The following FGGY variants were observed in gnomAD, a reference collection of about 807,000 sequenced individuals.
FGGY encodes FGGY carbohydrate kinase domain-containing protein.
In FGGY, 72 loss-of-function variants were observed where a neutral mutation model predicts 71.3. The observed-to-expected ratio is 1.01, with a 90% CI of 0.84 to 1.23. FGGY has a LOEUF of 1.23. Among genes scored for constraint, FGGY ranks in the 50% most tolerant of loss-of-function variants. The pLI is 0.00. For synonymous variants in FGGY, 251 were observed against 250.3 expected (o/e 1.00, Z -0.02); for missense variants, 668 against 682.3 (o/e 0.98, Z 0.23).
intron 14 of FGGY, among the ~76,000 whole-genome samples, chr1:59,700,669 C>G (rs2097702284): frequency 6.6e-6 from 1 of 152,152 alleles, no homozygotes. Flanking sequence ...TCTAGCAACA[C>G]CTGCCCTCAT....
chr1:59,740,537 A>G (rs558914314), intron 14 of FGGY, among the ~76,000 whole-genome samples: 2 of 152,372 alleles, frequency 1.3e-5, no homozygotes, highest in South Asian at 2.1e-4. Flanking sequence ...ACTGGCCAAG[A>G]TGGAAGTATT....
At chr1:59,533,802 A>T (rs1285418389) in intron 7 of FGGY, among the ~76,000 whole-genome samples, 1 of 152,206 alleles carries the variant, frequency 6.6e-6, no homozygotes, top group Non-Finnish European at 1.5e-5. Context: ...AACAAACAGA[A>T]AGGACATCCA....
intron 14 of FGGY, among the ~76,000 whole-genome samples, chr1:59,751,763 T>C (rs980500765): frequency 6.6e-6 from 1 of 152,228 alleles, no homozygotes; most frequent in African/African-American, 2.4e-5. Flanking sequence ...GAGGAGCTAG[T>C]ACTGAGTAAA....
Position 59,659,906 on chromosome 1 carries a change from A to C in FGGY, c.1222-313A>C, listed in dbSNP as rs576328590. ...AAGCCACAGAAAATAGGTATTTGTA[A>C]GAAAAGAAAATGTTTTAAAATAAAA... On this transcript the variant is annotated intron_variant, in intron 11 of 15. Transcript: ENST00000303721. Among the ~76,000 whole-genome samples the C allele has an allele frequency of 4.7e-4, 71 of 152,354 alleles. No individual in the cohort carries two copies. The South Asian group carries it at 0.014, about 30-fold the overall frequency.
chr1:59,582,536 T>C (rs2096213077), intron 8 of FGGY, among the ~76,000 whole-genome samples: 1 of 149,806 alleles, frequency 6.7e-6, no homozygotes, highest in African/African-American at 2.5e-5. Context: ...CTCTGCTTCC[T>C]GTCCCTCTGC....
intron 6 of FGGY, among the ~76,000 whole-genome samples, chr1:59,465,203 C>A (rs1434510578): frequency 1.3e-5 from 2 of 152,150 alleles, no homozygotes; most frequent in Non-Finnish European, 2.9e-5. Context: ...TAAGGCGGTT[C>A]CACATATGCA....
chr1:59,366,554 G>A (rs975133964), intron 4 of FGGY, among the ~76,000 whole-genome samples: 1 of 152,088 alleles, frequency 6.6e-6, no homozygotes, highest in African/African-American at 2.4e-5. Context: ...ATGTTATGAG[G>A]CTGACTCATC....
intron 4 of FGGY, among the ~76,000 whole-genome samples, chr1:59,349,028 T>C (rs1161324638): frequency 6.6e-6 from 1 of 152,076 alleles, no homozygotes; most frequent in African/African-American, 2.4e-5. Flanking sequence ...AATATAGAAC[T>C]GTTCTGCGCT....
intron 12 of FGGY, among the ~76,000 whole-genome samples, chr1:59,661,693 G>GTTTTGTTTTTGT (rs370165720): frequency 1.4e-3 from 203 of 148,110 alleles, no homozygotes; most frequent in South Asian, 3.6e-3. Context: ...TTAAGAGGGT[G>GTTTTGTTTTTGT]TTTTGTTTTT....
At chr1:59,370,053 A>G (rs1215229050) in intron 4 of FGGY, among the ~76,000 whole-genome samples, 4 of 152,246 alleles carry the variant, frequency 2.6e-5, no homozygotes, top group African/African-American at 9.6e-5. Context: ...AATGGAACAA[A>G]GCTGGATGGA....
chr1:59,410,811 G>T (rs1400796052), intron 5 of FGGY, among the ~76,000 whole-genome samples: 1 of 152,002 alleles, frequency 6.6e-6, no homozygotes, highest in Non-Finnish European at 1.5e-5. Context: ...ATATTATAAT[G>T]TGTTCATATA....
chr1:59,511,845 C>A (rs1223343103), intron 6 of FGGY, among the ~76,000 whole-genome samples: 1 of 152,146 alleles, frequency 6.6e-6, no homozygotes, highest in African/African-American at 2.4e-5. Context: ...TTATCCTCTG[C>A]CAGGAAGCAA....
chr1:59,491,057 T>TCTTTCTCTCCCTCCCTC, intron 6 of FGGY, among the ~76,000 whole-genome samples: 1 of 13,696 alleles, frequency 7.3e-5, no homozygotes. Context: ...CTTCCTTCCT[T>TCTTTCTCTCCCTCCCTC]CCTTCCTTCC....
chr1:59,561,442 C>G (rs1399618896), intron 8 of FGGY, among the ~76,000 whole-genome samples: 2 of 152,136 alleles, frequency 1.3e-5, no homozygotes, highest in African/African-American at 2.4e-5. Flanking sequence ...CAATGAGAGA[C>G]AGACTGTGCA....
chr1:59,377,610 A>G (rs955985938), intron 4 of FGGY, among the ~76,000 whole-genome samples: 18 of 152,204 alleles, frequency 1.2e-4, no homozygotes, highest in African/African-American at 4.1e-4. Context: ...CAGCCAAACC[A>G]TATCAACATT....
intron 5 of FGGY, among the ~76,000 whole-genome samples, chr1:59,416,174 G>A (rs982883729): frequency 2.6e-4 from 40 of 152,344 alleles, no homozygotes; most frequent in African/African-American, 9.4e-4. Context: ...GTTAGTTGCA[G>A]TGGGGAAGAA....
chr1:59,552,709 C>G (rs2095627736), intron 7 of FGGY, among the ~76,000 whole-genome samples: 1 of 152,172 alleles, frequency 6.6e-6, no homozygotes, highest in Admixed American at 6.5e-5. Flanking sequence ...TTTGTGGCCC[C>G]TCCTGTGATA....
intron 14 of FGGY, among the ~76,000 whole-genome samples, chr1:59,734,979 A>G (rs1339652387): frequency 6.6e-6 from 1 of 152,236 alleles, no homozygotes; most frequent in African/African-American, 2.4e-5. Flanking sequence ...AAACTAGCAA[A>G]GATTCCAAGG....
chr1:59,627,489 T>TATACAC (rs1469493501), intron 10 of FGGY, among the ~76,000 whole-genome samples: 16 of 92,780 alleles, frequency 1.7e-4, no homozygotes, highest in African/African-American at 5.6e-4. Flanking sequence ...TATATATATA[T>TATACAC]ACACACACAC....
Sources: gnomAD v4.1 joint callset for allele counts (sites outside exome capture counted in the v4.1 genomes callset) on GRCh38, gnomAD v4.1.1 for gene constraint, MANE v1.5 for transcripts, NCBI Gene and HGNC (gene_info 2026-07-23, HGNC 2026-07-21) for gene names.